MORC1: variants seen among roughly 807,000 people sequenced by gnomAD.
The protein encoded by MORC1 is MORC family CW-type zinc finger 1, also known as MORC family CW-type zinc finger protein 1.
MORC1 carries 59 observed loss-of-function variants against 134.9 expected under a neutral mutation model. That is an observed-to-expected ratio of 0.44 (90% CI 0.35 to 0.54). The LOEUF is 0.54. Ranked by LOEUF, MORC1 falls within the 20% of genes least tolerant of loss-of-function variation. The probability of loss-of-function intolerance (pLI) is 0.00; values close to 1 mark genes in which losing one functional copy is unlikely to be tolerated. For missense variants in MORC1, 947 were observed against 1,134.5 expected (o/e 0.83, Z 2.37); for synonymous variants, 395 against 391.7 (o/e 1.01, Z -0.10).
chr3:109,097,409 C>G (rs529917634), intron 6 of MORC1, among the ~76,000 whole-genome samples: 85 of 152,284 alleles, frequency 5.6e-4, no homozygotes, highest in Non-Finnish European at 1.1e-3. Context: ...ATATTTTGCC[C>G]CCTATGTTCC....
rs1414990283 is a variant in MORC1, at chr3:109,001,873, T to C, written c.2086-1215A>G. Among the ~76,000 whole-genome samples, 4 of 152,230 alleles carry C rather than the reference T, an allele frequency of 2.6e-5. No individual in the cohort carries two copies. The East Asian group carries it at 5.8e-4, about 22-fold the overall frequency. ...ACATCCTCTTGGAAGCCTCAAATTA[T>C]GTAAGCTGAACTCATGCTGTTCTCC... On this transcript the variant is annotated intron_variant, in intron 20 of 27. Transcript: ENST00000232603.
At chr3:109,004,728 T>C in intron 20 of MORC1, 89 bp downstream of exon 20, 3 of 1,270,116 alleles carry the variant, frequency 2.4e-6, no homozygotes, top group Non-Finnish European at 3.4e-6. Context: ...ATTTTTCCTA[T>C]AAAGCATTGA....
At chr3:109,052,584 T>A (rs1949854012) in intron 14 of MORC1, among the ~76,000 whole-genome samples, 1 of 152,162 alleles carries the variant, frequency 6.6e-6, no homozygotes, top group Admixed American at 6.5e-5. Flanking sequence ...TCCCACTGAG[T>A]TCCTACGCTT....
intron 24 of MORC1, among the ~76,000 whole-genome samples, chr3:108,974,915 A>G (rs186825094): frequency 3.2e-4 from 49 of 152,342 alleles, no homozygotes; most frequent in Admixed American, 2.8e-3. Context: ...CAAAGTTTTT[A>G]GAGAGTTTAG....
chr3:108,969,544 A>G lies in MORC1; in HGVS notation c.2604+125T>C, dbSNP rs998191765. ...CACCTGATAAGCTATACATTAATCT[A>G]AGTCTCGATAAGTGAATGCAAATTT... On this transcript the variant is annotated intron_variant, in intron 26 of 27. Coordinates refer to ENST00000232603, the MANE Select transcript of MORC1 (RefSeq NM_014429.4). 89 of 893,092 alleles carry G rather than the reference A, an allele frequency of 1.0e-4. 1 individual carries two copies. The highest frequency in any genetic ancestry group is 1.5e-4 in the Non-Finnish European group (83 of 556,728). 55.3% of individuals were successfully genotyped at this position (893,092 alleles called of 1,614,324 possible).
chr3:109,100,394 C>G, intron 5 of MORC1, 23 bp downstream of exon 5: 1 of 1,551,872 alleles, frequency 6.4e-7, no homozygotes, highest in Non-Finnish European at 8.9e-7. Flanking sequence ...TAATATATGT[C>G]TTAAGGGAAA....
At chr3:109,092,031 T>C (rs1007578850) in intron 8 of MORC1, among the ~76,000 whole-genome samples, 2 of 152,204 alleles carry the variant, frequency 1.3e-5, no homozygotes. Flanking sequence ...CTCTGACAGA[T>C]AACTGTTTCA....
At chr3:109,060,464 G>A (rs895635390) in intron 11 of MORC1, among the ~76,000 whole-genome samples, 26 of 150,994 alleles carry the variant, frequency 1.7e-4, no homozygotes, top group African/African-American at 6.3e-4. Context: ...CTCTAACCAA[G>A]CAGAAGAGGA....
rs185761448 is a variant in MORC1 at position 109,006,421 on chromosome 3, C to G, written c.1767+608G>C. ...TTTAAAGTGAATAGTAAAGAAATGC[C>G]AAAGATACAAAATACATTATGTATA... On this transcript the variant is annotated intron_variant, in intron 18 of 27. Transcript: ENST00000232603. Among the ~76,000 whole-genome samples the G allele has an allele frequency of 4.7e-4, 72 of 152,130 alleles. 1 individual carries two copies. Among genetic ancestry groups the G allele is most frequent in the Admixed American group, 4.5e-3 (69 of 15,276 alleles).
At chr3:109,080,859 A>C (rs1576721011) in intron 8 of MORC1, among the ~76,000 whole-genome samples, 1 of 152,292 alleles carries the variant, frequency 6.6e-6, no homozygotes, top group African/African-American at 2.4e-5. Flanking sequence ...AGGAAGTGAA[A>C]AATATATCAA....
chr3:109,085,712 A>G (rs879771258), intron 8 of MORC1, among the ~76,000 whole-genome samples: 1 of 152,088 alleles, frequency 6.6e-6, no homozygotes, highest in Non-Finnish European at 1.5e-5. Context: ...GCTCCTCAAA[A>G]AACTAAAAAT....
intron 8 of MORC1, among the ~76,000 whole-genome samples, chr3:109,079,409 A>G (rs1449416169): frequency 2.0e-5 from 3 of 152,162 alleles, no homozygotes; most frequent in African/African-American, 4.8e-5. Context: ...TGAAACCTGT[A>G]GAATACAGCT....
intron 21 of MORC1, among the ~76,000 whole-genome samples, chr3:108,987,335 C>A (rs1272573206): frequency 6.6e-6 from 1 of 152,192 alleles, no homozygotes; most frequent in African/African-American, 2.4e-5. Context: ...GCTTAGGGTA[C>A]CTCTGGTTGC....
intron 14 of MORC1, among the ~76,000 whole-genome samples, chr3:109,050,619 T>C (rs1351911794): frequency 6.6e-6 from 1 of 152,226 alleles, no homozygotes; most frequent in Non-Finnish European, 1.5e-5. Context: ...CCCTAGACTG[T>C]AAGTTCTCAG....
intron 8 of MORC1, among the ~76,000 whole-genome samples, chr3:109,070,453 C>G (rs898590158): frequency 6.6e-6 from 1 of 152,176 alleles, no homozygotes; most frequent in Non-Finnish European, 1.5e-5. Flanking sequence ...ATACTTATAA[C>G]TCCAGGGAAC....
intron 16 of MORC1, among the ~76,000 whole-genome samples, chr3:109,030,624 TTATAAA>T (rs1353123972): frequency 6.6e-6 from 1 of 152,162 alleles, no homozygotes; most frequent in Non-Finnish European, 1.5e-5. Flanking sequence ...CTTAAGAAAA[TTATAAA>T]TATAAGAAAA....
intron 17 of MORC1, among the ~76,000 whole-genome samples, chr3:109,008,174 A>G (rs1481764983): frequency 6.6e-6 from 1 of 152,140 alleles, no homozygotes; most frequent in Non-Finnish European, 1.5e-5. Context: ...AACCAGGTCT[A>G]TTGACAGACA....
chr3:109,020,764 C>CAAAAAAAAAAAAAAA (rs66700715), intron 17 of MORC1, among the ~76,000 whole-genome samples: 45 of 78,326 alleles, frequency 5.7e-4, no homozygotes, highest in African/African-American at 1.3e-3. Context: ...GACTCTGTCT[C>CAAAAAAAAAAAAAAA]AAAAAAAAAA....
At chr3:108,980,901 T>C (rs965452177) in intron 23 of MORC1, among the ~76,000 whole-genome samples, 7 of 152,120 alleles carry the variant, frequency 4.6e-5, no homozygotes, top group African/African-American at 1.4e-4. Context: ...AGTGTTGGGA[T>C]TGCAGGGCAT....
Sources: allele counts gnomAD v4.1 joint callset (sites outside exome capture counted in the v4.1 genomes callset), GRCh38; gene constraint gnomAD v4.1.1; transcripts MANE v1.5; gene names NCBI Gene and HGNC (gene_info 2026-07-23, HGNC 2026-07-21).